ABI2: variants seen among roughly 807,000 people sequenced by gnomAD.
ABI2 encodes abelson interactor 2.
ABI2 carries 25 observed loss-of-function variants against 59.2 expected under a neutral mutation model. The ratio of observed to expected loss-of-function variants is 0.42; its 90% CI spans 0.31 to 0.59. ABI2 has a LOEUF of 0.59. Among genes scored for constraint, ABI2 ranks in the 20% least tolerant of loss-of-function variants. The pLI, the probability that ABI2 is intolerant of heterozygous loss-of-function variation, is 0.14. For missense variants in ABI2, 545 were observed against 681.8 expected (o/e 0.80, Z 2.23); for synonymous variants, 213 against 235.5 (o/e 0.90, Z 0.87).
rs2098452460 is a variant in ABI2, at chr2:203,427,755, A to G, written c.*403A>G. ...TGGATGTTCTTCATTGCCTGTGCTAAGGGGTTAACCTCATGGCCCAGTGGG... is the reference window on the plus strand; with the variant it reads ...TGGATGTTCTTCATTGCCTGTGCTAGGGGGTTAACCTCATGGCCCAGTGGG... On this transcript the variant is annotated 3_prime_UTR_variant, in exon 12 of 12. Coordinates refer to ENST00000261018, the MANE Select transcript of ABI2 (RefSeq NM_001375670.1). 1 of 159,108 alleles carries G rather than the reference A, an allele frequency of 6.3e-6. No homozygotes were observed. The highest frequency in any genetic ancestry group is 1.8e-4 in the East Asian group (1 of 5,614). 9.9% of individuals were successfully genotyped at this position (159,108 alleles called of 1,614,324 possible).
intron 3 of ABI2, 81 bp downstream of exon 3, chr2:203,380,465 G>T (rs2096045376): frequency 3.3e-6 from 3 of 921,146 alleles, no homozygotes; most frequent in African/African-American, 1.7e-5. Flanking sequence ...CTTTTTATCT[G>T]TCTTTCTTTC....
chr2:203,345,584 T>C (rs2082874126), intron 1 of ABI2, among the ~76,000 whole-genome samples: 1 of 152,056 alleles, frequency 6.6e-6, no homozygotes, highest in Admixed American at 6.5e-5. Context: ...TAATTTGGTA[T>C]TTTTAGTAGA....
rs10527327 is a variant in ABI2, at chr2:203,385,139, C to CTTTTTTTTTTTTTTT, written c.480+2946_480+2947insTTTTTTTTTTTTTTT. Reference sequence around the variant, plus strand: ...TGAGCCACCGCACCCGGCTCAGATTCTTTTTTTTTTTTTGAGACAGTCTTG... The same window carrying CTTTTTTTTTTTTTTT: ...TGAGCCACCGCACCCGGCTCAGATTCTTTTTTTTTTTTTTTTTTTTTTTTTTTTGAGACAGTCTTG... On this transcript the variant is annotated intron_variant, in intron 4 of 11. Transcript: ENST00000261018. Among the ~76,000 whole-genome samples the CTTTTTTTTTTTTTTT allele has an allele frequency of 2.7e-4, 19 of 69,950 alleles. 2 individuals carry two copies. The highest frequency in any genetic ancestry group is 3.5e-4 in the Non-Finnish European group (12 of 34,782). The allele number at this position is 69,950 out of a possible 152,430, so 45.9% of individuals were successfully genotyped here. A position where few individuals can be genotyped will look rare whatever the true frequency, so the allele number is the denominator to read the frequency against.
At chr2:203,337,434 G>A (rs190619225) in intron 1 of ABI2, among the ~76,000 whole-genome samples, 1 of 152,278 alleles carries the variant, frequency 6.6e-6, no homozygotes, top group Admixed American at 6.5e-5. Flanking sequence ...ATGTAATCAA[G>A]GAGGTGAAAG....
intron 10 of ABI2, among the ~76,000 whole-genome samples, chr2:203,412,287 G>C (rs890507936): frequency 2.6e-5 from 4 of 152,114 alleles, no homozygotes; most frequent in African/African-American, 9.7e-5. Context: ...CTTGCTAGCT[G>C]TTTCCCCAGC....
At chr2:203,380,558 G>A (rs2096054292) in intron 3 of ABI2, among the ~76,000 whole-genome samples, 174 bp downstream of exon 3, 1 of 151,950 alleles carries the variant, frequency 6.6e-6, no homozygotes, top group Non-Finnish European at 1.5e-5. Flanking sequence ...CTTTTTCTTA[G>A]TGATGTATTC....
At chr2:203,395,531 T>A (rs576496789) in intron 6 of ABI2, 125 bp from the exon 7 acceptor site, 14 of 1,059,482 alleles carry the variant, frequency 1.3e-5, no homozygotes, top group Middle Eastern at 3.4e-4. Flanking sequence ...GAAATTTTAT[T>A]TTGAAGTGGT....
intron 5 of ABI2, among the ~76,000 whole-genome samples, chr2:203,394,060 C>T (rs1331076127): frequency 2.0e-5 from 3 of 152,232 alleles, no homozygotes; most frequent in Non-Finnish European, 4.4e-5. Context: ...CTTCCCCCCA[C>T]CTTTGTAAAT....
intron 2 of ABI2, among the ~76,000 whole-genome samples, chr2:203,370,509 A>G (rs930701221): frequency 2.0e-5 from 3 of 152,194 alleles, no homozygotes; most frequent in East Asian, 1.9e-4. Flanking sequence ...TGTTAAAACT[A>G]TTCTTAGCTT....
At chr2:203,335,238 A>G (rs1266338961) in intron 1 of ABI2, among the ~76,000 whole-genome samples, 1 of 152,094 alleles carries the variant, frequency 6.6e-6, no homozygotes, top group Non-Finnish European at 1.5e-5. Context: ...TATGCACTGA[A>G]TTATTTTTAT....
chr2:203,384,313 T>G (rs28595531), intron 4 of ABI2, among the ~76,000 whole-genome samples: 80,378 of 128,302 alleles, frequency 0.63, 25,792 homozygotes, highest in Middle Eastern at 0.78. Flanking sequence ...TTTTTTTTTT[T>G]TTTTTTTTTT....
At chr2:203,364,472 C>T (rs2094090951) in intron 1 of ABI2, among the ~76,000 whole-genome samples, 2 of 152,170 alleles carry the variant, frequency 1.3e-5, no homozygotes, top group South Asian at 4.1e-4. Context: ...CACTGAACCA[C>T]CATTGCGCTG....
chr2:203,336,245 A>G (rs979760651), intron 1 of ABI2, among the ~76,000 whole-genome samples: 3 of 152,172 alleles, frequency 2.0e-5, no homozygotes, highest in African/African-American at 7.2e-5. Context: ...GCAGTGGTGA[A>G]TATGGCTGTA....
In ABI2 at chr2:203,431,068, A is replaced by T. The variant is rs1360433282; in HGVS notation, c.*3716A>T. The T allele has an allele frequency of 2.0e-5, 3 of 152,214 alleles. No individual in the cohort carries two copies. The highest frequency in any genetic ancestry group is 4.4e-5 in the Non-Finnish European group (3 of 68,042). The allele number at this position is 152,214 out of a possible 1,614,324, so 9.4% of individuals were successfully genotyped here. On this transcript the variant is annotated 3_prime_UTR_variant, in exon 12 of 12. Coordinates refer to ENST00000261018, the MANE Select transcript of ABI2 (RefSeq NM_001375670.1). ...TGATGGAGGAATTCACAGGTGACTG[A>T]CAAGTCTTTGAAAAGAATGGGATCT...
intron 2 of ABI2, among the ~76,000 whole-genome samples, chr2:203,375,641 A>G (rs2095631195): frequency 6.6e-6 from 1 of 152,230 alleles, no homozygotes; most frequent in Non-Finnish European, 1.5e-5. Context: ...AGCTTTCCTA[A>G]ATTTCTTTTA....
At chr2:203,332,850 A>G (rs1398666828) in intron 1 of ABI2, among the ~76,000 whole-genome samples, 1 of 152,180 alleles carries the variant, frequency 6.6e-6, no homozygotes, top group East Asian at 1.9e-4. Context: ...GTTAGATAAA[A>G]GTTACTGATT....
intron 2 of ABI2, among the ~76,000 whole-genome samples, chr2:203,371,898 A>C (rs1376715953): frequency 6.6e-6 from 1 of 151,420 alleles, no homozygotes; most frequent in Non-Finnish European, 1.5e-5. Context: ...TGTAAACTAA[A>C]ATTTTTCTTT....
chr2:203,389,699 A>C (rs1003122715), intron 4 of ABI2, among the ~76,000 whole-genome samples: 1 of 152,208 alleles, frequency 6.6e-6, no homozygotes, highest in African/African-American at 2.4e-5. Context: ...TGGAAATTCA[A>C]AATATTAGGG....
At chr2:203,374,923 T>A (rs1393630107) in intron 2 of ABI2, 1 of 442,852 alleles carries the variant, frequency 2.3e-6, no homozygotes, top group Non-Finnish European at 4.6e-6. Context: ...TGGATAATCC[T>A]AAAACAAAAT....
Sources: gnomAD v4.1 joint callset for allele counts (sites outside exome capture counted in the v4.1 genomes callset) on GRCh38, gnomAD v4.1.1 for gene constraint, MANE v1.5 for transcripts, NCBI Gene and HGNC (gene_info 2026-07-23, HGNC 2026-07-21) for gene names.